The following CEP192 variants were observed in gnomAD, a reference collection of about 807,000 sequenced individuals.
The protein encoded by CEP192 is centrosomal protein 192, also known as centrosomal protein of 192 kDa.
A neutral mutation model predicts 271.8 loss-of-function variants in CEP192; 151 were observed. That is an observed-to-expected ratio of 0.56 (90% CI 0.49 to 0.64). CEP192 has a LOEUF of 0.64. Ranked by LOEUF, CEP192 falls within the 30% of genes least tolerant of loss-of-function variation. CEP192 has a pLI of 0.00. For synonymous variants in CEP192, 995 were observed against 1,076.5 expected, an observed-to-expected ratio of 0.92 and a Z score of 1.48; for missense variants, 2,910 against 3,020.5, an observed-to-expected ratio of 0.96 and a Z score of 0.86.
At chr18:13,019,001 T>C in intron 8 of CEP192, 81 bp from the exon 9 acceptor site, 2 of 1,330,224 alleles carry the variant, frequency 1.5e-6, no homozygotes, top group South Asian at 3.0e-5. Flanking sequence ...CATAAAATAA[T>C]TTGACTGGCA....
chr18:13,110,675 G>C (rs1470222713), intron 40 of CEP192, among the ~76,000 whole-genome samples: 2 of 152,160 alleles, frequency 1.3e-5, no homozygotes, highest in Non-Finnish European at 2.9e-5. Flanking sequence ...TCTGCAGGCT[G>C]GGGAAGAAAG....
At chr18:13,102,407 A>G (rs1468918895) in intron 38 of CEP192, among the ~76,000 whole-genome samples, 1 of 151,870 alleles carries the variant, frequency 6.6e-6, no homozygotes, top group Non-Finnish European at 1.5e-5. Flanking sequence ...ACCAGCACCC[A>G]GTACACTCCA....
At chr18:13,113,506 C>A in intron 40 of CEP192, 80 bp from the exon 41 acceptor site, 1 of 1,393,280 alleles carries the variant, frequency 7.2e-7, no homozygotes, top group Non-Finnish European at 9.9e-7. Flanking sequence ...TTTTTCATAC[C>A]AAATCTTTGA....
intron 30 of CEP192, among the ~76,000 whole-genome samples, chr18:13,083,072 C>T (rs2038708834): frequency 6.6e-6 from 1 of 152,174 alleles, no homozygotes. Context: ...TTCATTCCAA[C>T]CTTGGTGAAT....
At chr18:13,096,334 C>T (rs745332215) in intron 36 of CEP192, 27 bp downstream of exon 36, 12 of 1,600,510 alleles carry the variant, frequency 7.5e-6, no homozygotes, top group African/African-American at 6.7e-5. Context: ...TGTTGCTCTG[C>T]GTGTTACTTA....
intron 33 of CEP192, among the ~76,000 whole-genome samples, chr18:13,091,836 A>C (rs1399587254): frequency 6.6e-6 from 1 of 152,168 alleles, no homozygotes; most frequent in Non-Finnish European, 1.5e-5. Flanking sequence ...GATTTACTTT[A>C]AATTGAATGT....
intron 35 of CEP192, 121 bp downstream of exon 35, chr18:13,095,802 C>A: frequency 1.2e-6 from 1 of 864,942 alleles, no homozygotes; most frequent in Non-Finnish European, 1.8e-6. Flanking sequence ...GTGACTTGCC[C>A]AGGCCCTGCT....
At position 13,015,368 on chromosome 18, in the gene CEP192, C is replaced by T; in HGVS notation, c.560C>T (p.Thr187Ile). 1 of 1,550,638 alleles carries T rather than the reference C, an allele frequency of 6.4e-7. No individual in the cohort carries two copies. The highest frequency in any genetic ancestry group is 8.7e-7 in the Non-Finnish European group (1 of 1,146,392). The change falls in exon 6 of 45, where the codon ACT becomes ATT. Residue 187 changes from threonine to isoleucine, a missense_variant. Transcript: ENST00000506447. ...LDAGKHFEDKTLKSDLSHTSL... is the reference protein window; with the variant it reads ...LDAGKHFEDKILKSDLSHTSL... ...GCTGGAAAACATTTTGAAGACAAGACTCTAAAGAGTGACCTAAGCCACACT... is the reference window on the plus strand; with the variant it reads ...GCTGGAAAACATTTTGAAGACAAGATTCTAAAGAGTGACCTAAGCCACACT...
chr18:13,104,730 T>C (rs182748279), intron 39 of CEP192, among the ~76,000 whole-genome samples: 28 of 152,346 alleles, frequency 1.8e-4, no homozygotes, highest in Non-Finnish European at 1.8e-4. Context: ...TGAGCCTCAC[T>C]ATAAAGATCA....
At chr18:13,112,067 A>T (rs2040234426) in intron 40 of CEP192, among the ~76,000 whole-genome samples, 1 of 152,236 alleles carries the variant, frequency 6.6e-6, no homozygotes, top group African/African-American at 2.4e-5. Flanking sequence ...ATAATTTGGC[A>T]GTTTCTCAAT....
In CEP192 at chr18:13,004,355, TCTC is replaced by T. The variant is rs1396627511; in HGVS notation, c.290+2776_290+2778del. The stretch of plus-strand genomic sequence containing the variant: ...CATGTTTGCGTGATAATAGGAATAA[TCTC>T]CTGGAAAGGGTAAAACTTGCTGATG... On this transcript the variant is annotated intron_variant, in intron 3 of 44. Coordinates refer to ENST00000506447, the MANE Select transcript of CEP192 (RefSeq NM_032142.4). 3.3e-5 allele frequency among the ~76,000 whole-genome samples: 5 copies of T among 151,754 alleles called. No individual in the cohort carries two copies. In the East Asian group the frequency reaches 9.7e-4, roughly 30 times the overall value.
At chr18:13,057,754 C>T (rs778672722) in intron 20 of CEP192, 21 bp downstream of exon 20, 8 of 1,608,676 alleles carry the variant, frequency 5.0e-6, no homozygotes, top group South Asian at 1.1e-5. Flanking sequence ...ATGTCTTTCT[C>T]ATTTAACCTA....
At position 13,109,546 on chromosome 18, in the gene CEP192, A is replaced by C. The variant is rs529116720; in HGVS notation, c.7048-4040A>C. On this transcript the variant is annotated intron_variant, in intron 40 of 44. Transcript: ENST00000506447. ...CTGAATCTAAAATAAAAGTTGAAAAAGGAAAACGGAACAACAATAAGCCCA... is the reference window on the plus strand; with the variant it reads ...CTGAATCTAAAATAAAAGTTGAAAACGGAAAACGGAACAACAATAAGCCCA... 2.6e-5 allele frequency among the ~76,000 whole-genome samples: 4 copies of C among 152,324 alleles called. No homozygotes were observed. The East Asian group carries it at 7.7e-4, about 29-fold the overall frequency.
intron 43 of CEP192, 50 bp downstream of exon 43, chr18:13,116,553 T>C: frequency 6.8e-7 from 1 of 1,475,918 alleles, no homozygotes; most frequent in Non-Finnish European, 9.2e-7. Flanking sequence ...TGCATTCAAC[T>C]CTGATAACAA....
intron 15 of CEP192, among the ~76,000 whole-genome samples, chr18:13,045,648 G>A (rs1327794967): frequency 6.6e-6 from 1 of 152,152 alleles, no homozygotes; most frequent in Non-Finnish European, 1.5e-5. Flanking sequence ...AATCATTATA[G>A]GTATATCAAC....
At chr18:13,062,405 G>A (rs2144265757) in intron 21 of CEP192, among the ~76,000 whole-genome samples, 1 of 152,206 alleles carries the variant, frequency 6.6e-6, no homozygotes, top group South Asian at 2.1e-4. Context: ...TAATACAAAT[G>A]TTACAGTTTA....
chr18:13,015,420 C>T lies in CEP192; in HGVS notation c.612C>T (p.Ile204=). ...GCTTATTAGAAAATGAGAAACTTAT[C>T]TTACCGACAAGCTTGGAAGATTCTT... is the stretch of plus-strand genomic sequence containing the variant. ...HTSLLENEKL[I]LPTSLEDSSD... is the part of the protein sequence containing the mutation. The change falls in exon 6 of 45, where the codon ATC becomes ATT. Residue 204 remains isoleucine (I), a synonymous_variant. Transcript: ENST00000506447. 1 of 1,551,354 alleles carries T rather than the reference C, an allele frequency of 6.4e-7. No homozygotes were observed. The highest frequency in any genetic ancestry group is 8.7e-7 in the Non-Finnish European group (1 of 1,146,774).
intron 21 of CEP192, among the ~76,000 whole-genome samples, chr18:13,060,372 C>A (rs1410490660): frequency 2.0e-5 from 3 of 152,134 alleles, no homozygotes; most frequent in Non-Finnish European, 2.9e-5. Flanking sequence ...AGGGCACTTA[C>A]CAGAGGACTC....
In CEP192 at chr18:12,994,383, G is replaced by T. The variant is rs144677138; in HGVS notation, c.-5+2946G>T. On this transcript the variant is annotated intron_variant, in intron 1 of 44. Coordinates refer to ENST00000506447, the MANE Select transcript of CEP192 (RefSeq NM_032142.4). Reference sequence around the variant, plus strand: ...AGACCTGTGGTAGGGGTGGGCTTTGGGGGTATTACAAGAATAGAAAATCTA... The same window carrying T: ...AGACCTGTGGTAGGGGTGGGCTTTGTGGGTATTACAAGAATAGAAAATCTA... Among the ~76,000 whole-genome samples the T allele has an allele frequency of 2.0e-5, 3 of 152,014 alleles. No homozygotes were observed. The East Asian group carries it at 5.8e-4, about 29-fold the overall frequency.
Sources: gnomAD v4.1 joint callset for allele counts (sites outside exome capture counted in the v4.1 genomes callset) on GRCh38, gnomAD v4.1.1 for gene constraint, MANE v1.5 for transcripts, NCBI Gene and HGNC (gene_info 2026-07-23, HGNC 2026-07-21) for gene names.